TJP1: variants seen among roughly 807,000 people sequenced by gnomAD.
TJP1 encodes the protein tight junction protein ZO-1.
In TJP1, 43 loss-of-function variants were observed where a neutral mutation model predicts 194.2. The observed-to-expected ratio is 0.22, with a 90% CI of 0.17 to 0.29. The LOEUF is 0.29. Among genes scored for constraint, TJP1 ranks in the 10% least tolerant of loss-of-function variants. TJP1 has a pLI of 1.00. For synonymous variants in TJP1, 801 were observed against 779.0 expected, an observed-to-expected ratio of 1.03 and a Z score of -0.47; for missense variants, 1,971 against 2,185.7, an observed-to-expected ratio of 0.90 and a Z score of 1.96.
chr15:29,915,050 C>G lies in TJP1; in HGVS notation c.306+41182G>C, dbSNP rs560594965. ...TCTGGAAATGCATGATGGAGGTAGA[C>G]TGCTAAAAAAAATGCTGCCAAATCA... On this transcript the variant is annotated intron_variant, in intron 2 of 28. Coordinates refer to the TJP1 transcript ENST00000356107. 2.0e-5 allele frequency among the ~76,000 whole-genome samples: 3 copies of G among 152,164 alleles called. No individual in the cohort carries two copies. In the East Asian group the frequency reaches 5.8e-4, roughly 29 times the overall value.
At chr15:29,859,758 C>G (rs148073886) in intron 2 of TJP1, among the ~76,000 whole-genome samples, 2 of 152,170 alleles carry the variant, frequency 1.3e-5, no homozygotes, top group African/African-American at 4.8e-5. Context: ...CAGCTTCTTC[C>G]GAGAATTGTT....
intron 4 of TJP1, 52 bp from the exon 5 acceptor site, chr15:29,766,594 G>A (rs557318139): frequency 3.0e-5 from 45 of 1,490,584 alleles, no homozygotes; most frequent in African/African-American, 5.6e-5. Context: ...ATATATGTAC[G>A]TTCAGTTCCA....
intron 1 of TJP1, among the ~76,000 whole-genome samples, chr15:29,803,917 G>A (rs548062576): frequency 2.6e-5 from 4 of 151,720 alleles, no homozygotes; most frequent in African/African-American, 9.7e-5. Flanking sequence ...CTATGTAGAA[G>A]AAAGTAATTG....
intron 2 of TJP1, among the ~76,000 whole-genome samples, chr15:29,877,057 C>T (rs2052728637): frequency 6.6e-6 from 1 of 152,208 alleles, no homozygotes; most frequent in East Asian, 1.9e-4. Flanking sequence ...GTCTGCATTG[C>T]TTCTCTGATA....
intron 2 of TJP1, among the ~76,000 whole-genome samples, chr15:29,779,937 A>C (rs1053489841): frequency 1.1e-4 from 16 of 150,156 alleles, no homozygotes; most frequent in African/African-American, 3.9e-4. Context: ...ACGAAGCCAT[A>C]TTCTAAAACA....
At chr15:29,721,298 A>C (rs2042914514) in intron 18 of TJP1, among the ~76,000 whole-genome samples, 1 of 152,046 alleles carries the variant, frequency 6.6e-6, no homozygotes, top group Non-Finnish European at 1.5e-5. Context: ...GTGGTTTCTA[A>C]TGGTTTAGCA....
intron 2 of TJP1, among the ~76,000 whole-genome samples, chr15:29,920,236 C>T (rs1469084907): frequency 6.6e-6 from 1 of 152,144 alleles, no homozygotes; most frequent in Admixed American, 6.5e-5. Context: ...TTTCTTGTTA[C>T]TTTTCATGTT....
intron 8 of TJP1, among the ~76,000 whole-genome samples, chr15:29,758,306 G>A (rs13380161): frequency 0.94 from 143,340 of 152,042 alleles, 67,771 homozygotes; most frequent in East Asian, 1. Context: ...TCTCAGATCA[G>A]CTGAAAGCAA....
At chr15:29,760,795 C>T (rs1016447294) in intron 8 of TJP1, among the ~76,000 whole-genome samples, 17 of 152,198 alleles carry the variant, frequency 1.1e-4, no homozygotes, top group Admixed American at 9.2e-4. Context: ...TCTTCTAATG[C>T]AATAGTATGA....
At chr15:29,818,118 CATTAT>C (rs1001715773) in intron 1 of TJP1, among the ~76,000 whole-genome samples, 27 of 152,242 alleles carry the variant, frequency 1.8e-4, no homozygotes, top group Non-Finnish European at 2.9e-4. Context: ...TTCATACTTA[CATTAT>C]AATTTCAGAT....
At chr15:29,939,216 C>A (rs1217451246) in intron 2 of TJP1, among the ~76,000 whole-genome samples, 1 of 152,206 alleles carries the variant, frequency 6.6e-6, no homozygotes, top group Non-Finnish European at 1.5e-5. Context: ...TAAATGGCAT[C>A]TTTCCTGCTC....
chr15:29,885,920 G>A (rs567966954), intron 2 of TJP1, among the ~76,000 whole-genome samples: 2 of 152,330 alleles, frequency 1.3e-5, no homozygotes, highest in East Asian at 3.9e-4. Flanking sequence ...GTTTCTATAA[G>A]CATAGCTCAG....
chr15:29,831,856 C>A (rs1437802173), intron 2 of TJP1, among the ~76,000 whole-genome samples: 2 of 152,134 alleles, frequency 1.3e-5, no homozygotes, highest in African/African-American at 4.8e-5. Flanking sequence ...ATAGAGGCAG[C>A]AAATGCGGCA....
intron 2 of TJP1, among the ~76,000 whole-genome samples, chr15:29,890,210 C>T (rs949841466): frequency 6.6e-5 from 10 of 152,004 alleles, no homozygotes; most frequent in African/African-American, 2.4e-4. Flanking sequence ...GGTGGGATCC[C>T]GCTGCCAAGG....
At chr15:29,925,962 C>T (rs2054511847) in intron 2 of TJP1, among the ~76,000 whole-genome samples, 1 of 152,206 alleles carries the variant, frequency 6.6e-6, no homozygotes. Flanking sequence ...CTCTAACCCA[C>T]AGCCACTTTC....
At chr15:29,951,142 T>A (rs1254377646) in intron 2 of TJP1, among the ~76,000 whole-genome samples, 2 of 152,166 alleles carry the variant, frequency 1.3e-5, no homozygotes, top group Non-Finnish European at 2.9e-5. Context: ...AGATATTTCC[T>A]GTTAGTCTGC....
chr15:29,830,241 TGTGTAC>T (rs1239100103), intron 2 of TJP1, among the ~76,000 whole-genome samples: 3 of 151,746 alleles, frequency 2.0e-5, no homozygotes, highest in African/African-American at 7.2e-5. Context: ...TATGTGTGTA[TGTGTAC>T]ATCAACTAAA....
At chr15:29,799,806 A>G (rs1176188373) in intron 2 of TJP1, among the ~76,000 whole-genome samples, 1 of 152,184 alleles carries the variant, frequency 6.6e-6, no homozygotes, top group Non-Finnish European at 1.5e-5. Context: ...GAGTCCAGCA[A>G]CATGATTCTT....
intron 2 of TJP1, among the ~76,000 whole-genome samples, chr15:29,895,234 T>A (rs1204497368): frequency 1.3e-5 from 2 of 152,220 alleles, no homozygotes; most frequent in Admixed American, 6.5e-5. Flanking sequence ...TTTAGAATTG[T>A]CCAAATATTT....
Sources: allele counts gnomAD v4.1 joint callset (sites outside exome capture counted in the v4.1 genomes callset), GRCh38; gene constraint gnomAD v4.1.1; transcripts MANE v1.5; gene names NCBI Gene and HGNC (gene_info 2026-07-23, HGNC 2026-07-21).